The following CELF4 variants were observed in gnomAD, a reference collection of about 807,000 sequenced individuals.
The protein encoded by CELF4 is CUG-BP- and ETR-3-like factor 4.
Under a neutral mutation model 59.9 loss-of-function variants are expected in CELF4, and 18 were observed. The observed-to-expected ratio is 0.30, with a 90% CI of 0.21 to 0.45. The LOEUF is 0.45. Ranked by LOEUF, CELF4 falls within the 20% of genes least tolerant of loss-of-function variation. The pLI is 1.00. For synonymous variants in CELF4, 261 were observed against 267.1 expected (o/e 0.98, Z 0.22); for missense variants, 456 against 689.0 (o/e 0.66, Z 3.79).
intron 2 of CELF4, among the ~76,000 whole-genome samples, chr18:37,395,108 G>A (rs1173892535): frequency 1.3e-5 from 2 of 152,048 alleles, no homozygotes; most frequent in African/African-American, 4.8e-5. Context: ...CACTATTTCT[G>A]TCTACATATC....
chr18:37,396,405 G>T (rs1004404613), intron 2 of CELF4, among the ~76,000 whole-genome samples: 1 of 152,156 alleles, frequency 6.6e-6, no homozygotes. Context: ...GTAAATTTTT[G>T]GCTATTGAAA....
At chr18:37,452,711 C>T (rs1367297232) in intron 2 of CELF4, among the ~76,000 whole-genome samples, 1 of 152,158 alleles carries the variant, frequency 6.6e-6, no homozygotes, top group African/African-American at 2.4e-5. Flanking sequence ...GCTTTCCATA[C>T]ATATTTGTAA....
intron 2 of CELF4, among the ~76,000 whole-genome samples, chr18:37,343,093 G>A (rs1380455801): frequency 6.6e-6 from 1 of 152,198 alleles, no homozygotes; most frequent in Non-Finnish European, 1.5e-5. Flanking sequence ...TCGCTGGTGT[G>A]CTAAGAACAG....
chr18:37,257,555 T>A (rs80343798), intron 11 of CELF4, among the ~76,000 whole-genome samples: 1 of 152,180 alleles, frequency 6.6e-6, no homozygotes, highest in African/African-American at 2.4e-5. Context: ...CTTGACTACT[T>A]TGGGGAACAT....
At chr18:37,453,516 C>A (rs2099769831) in intron 2 of CELF4, among the ~76,000 whole-genome samples, 1 of 152,152 alleles carries the variant, frequency 6.6e-6, no homozygotes, top group African/African-American at 2.4e-5. Flanking sequence ...GCTGTCCTGA[C>A]TTTAAGGGCT....
chr18:37,464,240 A>C (rs2099801661), intron 2 of CELF4, among the ~76,000 whole-genome samples: 2 of 152,134 alleles, frequency 1.3e-5, no homozygotes, highest in Admixed American at 1.3e-4. Flanking sequence ...GAAGAAGAGC[A>C]GAAAAGGAGT....
chr18:37,499,191 A>G (rs926417791), intron 1 of CELF4, among the ~76,000 whole-genome samples: 7 of 152,142 alleles, frequency 4.6e-5, no homozygotes, highest in African/African-American at 1.7e-4. Flanking sequence ...GTTTGCTTAG[A>G]GAGTCTAGGA....
At chr18:37,419,166 T>C (rs749120348) in intron 2 of CELF4, among the ~76,000 whole-genome samples, 48 of 152,360 alleles carry the variant, frequency 3.2e-4, no homozygotes, top group Admixed American at 2.8e-3. Flanking sequence ...CAGAAGGGGC[T>C]AAGTCAATGT....
intron 3 of CELF4, among the ~76,000 whole-genome samples, chr18:37,299,475 C>T (rs1229365693): frequency 2.0e-5 from 3 of 152,030 alleles, no homozygotes; most frequent in Non-Finnish European, 4.4e-5. Flanking sequence ...GGATGGGAGC[C>T]TTGGGCCACG....
At chr18:37,288,416 C>T (rs2095021121) in intron 3 of CELF4, among the ~76,000 whole-genome samples, 1 of 152,226 alleles carries the variant, frequency 6.6e-6, no homozygotes, top group African/African-American at 2.4e-5. Context: ...AGGATGATGG[C>T]AGCACACACC....
intron 2 of CELF4, among the ~76,000 whole-genome samples, chr18:37,411,777 G>T (rs1283139577): frequency 6.6e-6 from 1 of 152,158 alleles, no homozygotes; most frequent in Admixed American, 6.5e-5. Context: ...AGATGAGGCG[G>T]GCTGCATGGG....
intron 2 of CELF4, among the ~76,000 whole-genome samples, chr18:37,359,845 G>T (rs625769): frequency 6.6e-6 from 1 of 151,580 alleles, no homozygotes; most frequent in East Asian, 2.0e-4. Flanking sequence ...CCATGCCTGG[G>T]CTTTCTTTTT....
chr18:37,441,854 A>G (rs1359988797), intron 2 of CELF4, among the ~76,000 whole-genome samples: 4 of 151,896 alleles, frequency 2.6e-5, no homozygotes, highest in Non-Finnish European at 5.9e-5. Context: ...ACTCACACCC[A>G]TTCCCCCTCC....
chr18:37,552,163 A>G (rs2099983416), intron 1 of CELF4, among the ~76,000 whole-genome samples: 1 of 152,174 alleles, frequency 6.6e-6, no homozygotes, highest in Non-Finnish European at 1.5e-5. Flanking sequence ...TTTACACGGG[A>G]CAGTTTTATG....
chr18:37,310,307 G>A (rs898925521), intron 3 of CELF4, among the ~76,000 whole-genome samples: 2 of 152,048 alleles, frequency 1.3e-5, no homozygotes, highest in African/African-American at 4.8e-5. Flanking sequence ...GCCTGCTCTC[G>A]CTCCCTCCCT....
intron 3 of CELF4, among the ~76,000 whole-genome samples, chr18:37,318,214 T>C (rs1330180750): frequency 6.6e-6 from 1 of 151,990 alleles, no homozygotes; most frequent in Non-Finnish European, 1.5e-5. Context: ...CACTGCTGGC[T>C]TCTGCTCCCC....
At chr18:37,526,562 G>A (rs188521932) in intron 1 of CELF4, among the ~76,000 whole-genome samples, 14 of 152,168 alleles carry the variant, frequency 9.2e-5, no homozygotes, top group Non-Finnish European at 1.3e-4. Context: ...CTGGGGTAGA[G>A]CCACCTGTGT....
chr18:37,526,449 C>G (rs1391049403), intron 1 of CELF4, among the ~76,000 whole-genome samples: 1 of 152,196 alleles, frequency 6.6e-6, no homozygotes, highest in Non-Finnish European at 1.5e-5. Context: ...TCTTCCCCTT[C>G]TTTCCTAGTG....
chr18:37,470,898 G>C (rs2099821178), intron 2 of CELF4, among the ~76,000 whole-genome samples: 2 of 148,886 alleles, frequency 1.3e-5, no homozygotes, highest in East Asian at 2.0e-4. Flanking sequence ...GACAGAGAGA[G>C]AGAGAGAGAG....
Sources: allele counts gnomAD v4.1 joint callset (sites outside exome capture counted in the v4.1 genomes callset), GRCh38; gene constraint gnomAD v4.1.1; transcripts MANE v1.5; gene names NCBI Gene and HGNC (gene_info 2026-07-23, HGNC 2026-07-21).